The following GALNTL6 variants were observed in gnomAD, a reference collection of about 807,000 sequenced individuals.
The protein encoded by GALNTL6 is polypeptide N-acetylgalactosaminyltransferase-like 6.
A neutral mutation model predicts 73.7 loss-of-function variants in GALNTL6; 46 were observed. That is an observed-to-expected ratio of 0.62 (90% CI 0.49 to 0.80). The LOEUF is 0.80. Ranked by LOEUF, GALNTL6 falls within the 30% of genes least tolerant of loss-of-function variation. The pLI is 0.00. For synonymous variants in GALNTL6, 259 were observed against 263.7 expected, an observed-to-expected ratio of 0.98 and a Z score of 0.17; for missense variants, 604 against 755.0, an observed-to-expected ratio of 0.80 and a Z score of 2.34.
intron 3 of GALNTL6, among the ~76,000 whole-genome samples, chr4:172,261,449 A>G (rs1738254433): frequency 6.6e-6 from 1 of 151,514 alleles, no homozygotes; most frequent in Non-Finnish European, 1.5e-5. Context: ...ATTGGTTGTA[A>G]TAGCTCCCAT....
At chr4:172,933,669 G>T (rs559310016) in intron 9 of GALNTL6, among the ~76,000 whole-genome samples, 3 of 152,036 alleles carry the variant, frequency 2.0e-5, no homozygotes, top group African/African-American at 7.2e-5. Flanking sequence ...ACATTAAAAT[G>T]AAAAACAATT....
intron 2 of GALNTL6, among the ~76,000 whole-genome samples, chr4:172,054,328 C>T (rs756397056): frequency 6.6e-6 from 1 of 152,088 alleles, no homozygotes; most frequent in South Asian, 2.1e-4. Context: ...TTAATGAGCA[C>T]ATTTTATATT....
At chr4:172,692,996 A>C (rs1348411407) in intron 5 of GALNTL6, among the ~76,000 whole-genome samples, 8 of 152,224 alleles carry the variant, frequency 5.3e-5, no homozygotes, top group African/African-American at 9.6e-5. Flanking sequence ...ATAAGCCAAA[A>C]TTGTAATATG....
intron 3 of GALNTL6, among the ~76,000 whole-genome samples, chr4:172,261,099 A>T (rs1248831169): frequency 6.6e-6 from 1 of 151,282 alleles, no homozygotes; most frequent in Non-Finnish European, 1.5e-5. Context: ...TTGTGGTATT[A>T]TATTAGATTG....
At chr4:172,491,976 A>G (rs1328440997) in intron 5 of GALNTL6, among the ~76,000 whole-genome samples, 2 of 152,276 alleles carry the variant, frequency 1.3e-5, no homozygotes, top group South Asian at 4.1e-4. Flanking sequence ...AATTTCATTC[A>G]TTCATTTATT....
intron 7 of GALNTL6, among the ~76,000 whole-genome samples, chr4:172,832,232 G>A: frequency 6.6e-6 from 1 of 152,162 alleles, no homozygotes; most frequent in East Asian, 1.9e-4. Flanking sequence ...CAGCAAAAAT[G>A]CTAACATCTG....
At chr4:172,516,872 G>A (rs773854950) in intron 5 of GALNTL6, among the ~76,000 whole-genome samples, 10 of 152,042 alleles carry the variant, frequency 6.6e-5, no homozygotes, top group Non-Finnish European at 8.8e-5. Flanking sequence ...AAATTCTGTC[G>A]TCTACTACAA....
At chr4:172,352,060 A>G (rs1741961277) in intron 5 of GALNTL6, among the ~76,000 whole-genome samples, 1 of 152,186 alleles carries the variant, frequency 6.6e-6, no homozygotes, top group African/African-American at 2.4e-5. Flanking sequence ...CTTAGAATGC[A>G]TATTTACAAC....
intron 2 of GALNTL6, among the ~76,000 whole-genome samples, chr4:171,955,174 T>A (rs1739004605): frequency 6.6e-6 from 1 of 152,124 alleles, no homozygotes; most frequent in Non-Finnish European, 1.5e-5. Context: ...ACAATTTGAG[T>A]GATTTTCTTT....
chr4:172,358,092 G>A (rs929216369), intron 5 of GALNTL6, among the ~76,000 whole-genome samples: 2 of 151,948 alleles, frequency 1.3e-5, no homozygotes, highest in East Asian at 3.9e-4. Flanking sequence ...TTACAATACT[G>A]AGTATTATAA....
chr4:172,875,147 T>C (rs1035584478), intron 7 of GALNTL6, among the ~76,000 whole-genome samples: 7 of 152,226 alleles, frequency 4.6e-5, no homozygotes, highest in Non-Finnish European at 8.8e-5. Flanking sequence ...GAAGCGCTGC[T>C]ATCACACAGA....
intron 5 of GALNTL6, among the ~76,000 whole-genome samples, chr4:172,628,056 A>C (rs2111087231): frequency 6.6e-6 from 1 of 152,218 alleles, no homozygotes; most frequent in Non-Finnish European, 1.5e-5. Context: ...AATAAAGAAA[A>C]ATATACTCAC....
At chr4:172,912,080 A>G (rs1747231820) in intron 8 of GALNTL6, among the ~76,000 whole-genome samples, 2 of 152,246 alleles carry the variant, frequency 1.3e-5, no homozygotes, top group African/African-American at 4.8e-5. Context: ...ATCTATATAA[A>G]GCAAGTCAGT....
intron 5 of GALNTL6, among the ~76,000 whole-genome samples, chr4:172,482,435 A>G (rs1009774930): frequency 6.6e-6 from 1 of 152,258 alleles, no homozygotes; most frequent in Non-Finnish European, 1.5e-5. Flanking sequence ...TCATCAAGTT[A>G]GGGCCAGATT....
chr4:172,554,854 A>G (rs1382788044), intron 5 of GALNTL6, among the ~76,000 whole-genome samples: 1 of 152,182 alleles, frequency 6.6e-6, no homozygotes. Flanking sequence ...GGCTCTTATA[A>G]ATAATGCCAC....
rs893138982 is a variant in GALNTL6 at position 172,070,372 on chromosome 4, C to T, written c.139-159284C>T. Among the ~76,000 whole-genome samples, 2 of 109,382 alleles carry T rather than the reference C, an allele frequency of 1.8e-5. 1 individual carries two copies. Among genetic ancestry groups the T allele is most frequent in the Non-Finnish European group, 4.1e-5 (2 of 49,262 alleles). 71.8% of individuals were successfully genotyped at this position (109,382 alleles called of 152,430 possible). A position where few individuals can be genotyped will look rare whatever the true frequency, so the allele number is the denominator to read the frequency against. On this transcript the variant is annotated intron_variant, in intron 2 of 12. Coordinates refer to ENST00000506823, the MANE Select transcript of GALNTL6 (RefSeq NM_001034845.3). ...AATAGTGTTATGATTTGAATATGTC[C>T]CCCAAAAGTTAAGGTGTTGGCAACT...
At chr4:172,349,749 C>T (rs1040585254) in intron 5 of GALNTL6, among the ~76,000 whole-genome samples, 9 of 151,628 alleles carry the variant, frequency 5.9e-5, no homozygotes, top group African/African-American at 2.2e-4. Context: ...ATTAATATGG[C>T]GGAGATTGCA....
chr4:172,061,461 T>C (rs1168562219), intron 2 of GALNTL6, among the ~76,000 whole-genome samples: 1 of 152,124 alleles, frequency 6.6e-6, no homozygotes, highest in African/African-American at 2.4e-5. Flanking sequence ...CTCAAGCTCC[T>C]TTATTTGTCT....
At chr4:172,160,582 A>G (rs749787593) in intron 2 of GALNTL6, among the ~76,000 whole-genome samples, 2 of 152,110 alleles carry the variant, frequency 1.3e-5, no homozygotes, top group East Asian at 1.9e-4. Context: ...CCATGTAGCA[A>G]GAAAAGTTTT....
Sources: gnomAD v4.1 joint callset for allele counts (sites outside exome capture counted in the v4.1 genomes callset) on GRCh38, gnomAD v4.1.1 for gene constraint, MANE v1.5 for transcripts, NCBI Gene and HGNC (gene_info 2026-07-23, HGNC 2026-07-21) for gene names.